The following TCEANC variants were observed in gnomAD, a reference collection of about 807,000 sequenced individuals.
TCEANC encodes the protein transcription elongation factor A N-terminal and central domain-containing protein.
TCEANC carries 8 observed loss-of-function variants against 8.7 expected under a neutral mutation model. The ratio of observed to expected loss-of-function variants is 0.92; its 90% CI spans 0.54 to 1.65. The LOEUF (loss-of-function observed/expected upper bound fraction) is 1.65, where lower values mean the gene tolerates loss of function less well. Ranked by LOEUF, TCEANC falls within the 40% of genes most tolerant of loss-of-function variation. The pLI, the probability that TCEANC is intolerant of heterozygous loss-of-function variation, is 0.00. For synonymous variants in TCEANC, 78 were observed against 92.9 expected (o/e 0.84, Z 0.92); for missense variants, 255 against 251.9 (o/e 1.01, Z -0.08).
chrX:13,663,476 A>G (rs1398857776), exon 2 of TCEANC: 7 of 1,177,007 alleles, frequency 5.9e-6, no homozygotes, highest in Non-Finnish European at 8.0e-6. Flanking sequence ...TGGGTGCGGA[A>G]TTCAAACCCA....
intron 1 of TCEANC, chrX:13,659,716 C>T (rs12116363): frequency 0.083 from 9,300 of 111,433 alleles, 934 homozygotes; most frequent in African/African-American, 0.28. Flanking sequence ...AACTCTGCCT[C>T]CCGGGTTCAA....
At chrX:13,664,746 A>AT (rs1325806671) in exon 2 of TCEANC, 1 of 123,394 alleles carries the variant, frequency 8.1e-6, no homozygotes, top group African/African-American at 3.2e-5. Context: ...TGAATTGAAG[A>AT]TAAAATTACC....
upstream of TCEANC, among the ~76,000 whole-genome samples, chrX:13,653,498 C>T (rs1465566818): frequency 8.9e-6 from 1 of 111,754 alleles, no homozygotes; most frequent in Admixed American, 9.4e-5. Flanking sequence ...GGCAGTTGGG[C>T]TGGTCCCTTC....
chrX:13,661,639 T>A, intron 1 of TCEANC, among the ~76,000 whole-genome samples: 1 of 112,027 alleles, frequency 8.9e-6, no homozygotes. Context: ...GATCCAAGGG[T>A]ATTATATAGA....
chrX:13,659,628 CTTTTTTT>C lies in TCEANC; in HGVS notation c.-8-2861_-8-2855del, dbSNP rs148168000. 1.2e-5 allele frequency: 1 copy of C among 86,655 alleles called. No homozygotes were observed. The highest frequency in any genetic ancestry group is 2.3e-5 in the Non-Finnish European group (1 of 43,411). 7.1% of individuals were successfully genotyped at this position (86,655 alleles called of 1,213,427 possible). ...AACATAAAATTTACTGTGTTAAGCC[CTTTTTTT>C]TTTTTTTTTTTGACAGAGTCTCGCT... On this transcript the variant is annotated intron_variant, in intron 1 of 1. Coordinates refer to ENST00000380600, the Ensembl canonical transcript of TCEANC.
chrX:13,663,694 T>C, exon 2 of TCEANC: 1 of 627,395 alleles, frequency 1.6e-6, no homozygotes, highest in Non-Finnish European at 2.3e-6. Flanking sequence ...AGTCGTTAGC[T>C]GAAGCTGCCA....
chrX:13,662,004 CTT>C (rs1390712033), intron 1 of TCEANC, among the ~76,000 whole-genome samples: 3 of 111,818 alleles, frequency 2.7e-5, no homozygotes, highest in Non-Finnish European at 5.6e-5. Flanking sequence ...TCTTGTTTCT[CTT>C]TTATTTTCAG....
chrX:13,662,156 G>A (rs1171643328), intron 1 of TCEANC, among the ~76,000 whole-genome samples: 3 of 111,624 alleles, frequency 2.7e-5, no homozygotes, highest in Non-Finnish European at 5.6e-5. Context: ...CATGACCACC[G>A]GATTCCGCCC....
exon 2 of TCEANC, chrX:13,663,092 C>G (rs2045982636): frequency 8.3e-7 from 1 of 1,209,844 alleles, no homozygotes; most frequent in South Asian, 1.8e-5. Flanking sequence ...CAACCCAAAG[C>G]TGATTTGTGG....
chrX:13,664,734 A>T (rs1326229276), exon 2 of TCEANC: 1 of 123,051 alleles, frequency 8.1e-6, no homozygotes, highest in Non-Finnish European at 1.9e-5. Flanking sequence ...TTATCTAATA[A>T]ATGAATTGAA....
chrX:13,653,197 T>A (rs1218365299), upstream of TCEANC: 1 of 112,982 alleles, frequency 8.9e-6, no homozygotes, highest in East Asian at 2.8e-4. Flanking sequence ...CGGTGAGTCA[T>A]GCTTCAGGTT....
At chrX:13,656,667 A>T (rs1482025575) in intron 1 of TCEANC, among the ~76,000 whole-genome samples, 5 of 113,097 alleles carry the variant, frequency 4.4e-5, no homozygotes, top group Non-Finnish European at 9.4e-5. Flanking sequence ...CAGCAGTGTT[A>T]TTCACAATGG....
intron 1 of TCEANC, among the ~76,000 whole-genome samples, 45 bp downstream of exon 4, chrX:13,661,167 A>G (rs909568763): frequency 1.8e-5 from 2 of 111,408 alleles, no homozygotes; most frequent in African/African-American, 6.5e-5. Flanking sequence ...TTAGTCTTTT[A>G]TATAGTTTTA....
Sources: allele counts gnomAD v4.1 joint callset (sites outside exome capture counted in the v4.1 genomes callset), GRCh38; gene constraint gnomAD v4.1.1; transcripts MANE v1.5; gene names NCBI Gene and HGNC (gene_info 2026-07-23, HGNC 2026-07-21).